Variants in CPE observed in about 807,000 individuals in gnomAD.
CPE encodes the protein carbocypeptidase E.
Under a neutral mutation model 53.5 loss-of-function variants are expected in CPE, and 17 were observed. That is an observed-to-expected ratio of 0.32 (90% CI 0.22 to 0.48). The LOEUF is 0.48. Ranked by LOEUF, CPE falls within the 20% of genes least tolerant of loss-of-function variation. The probability of loss-of-function intolerance (pLI) is 0.99; values close to 1 mark genes in which losing one functional copy is unlikely to be tolerated. For missense variants in CPE, 524 were observed against 614.7 expected, an observed-to-expected ratio of 0.85 and a Z score of 1.56; for synonymous variants, 226 against 228.8, an observed-to-expected ratio of 0.99 and a Z score of 0.11.
At chr4:165,478,753 G>A (rs1481756232) in intron 3 of CPE, among the ~76,000 whole-genome samples, 1 of 152,164 alleles carries the variant, frequency 6.6e-6, no homozygotes, top group Non-Finnish European at 1.5e-5. Context: ...AACAAACACA[G>A]GAATACAGTC....
intron 1 of CPE, among the ~76,000 whole-genome samples, chr4:165,443,113 G>A (rs562304718): frequency 4.5e-4 from 69 of 152,286 alleles, no homozygotes; most frequent in African/African-American, 1.6e-3. Context: ...CATCTCTTGG[G>A]GTTTGGATCA....
chr4:165,492,382 T>G (rs1732622044), intron 6 of CPE, among the ~76,000 whole-genome samples: 1 of 152,190 alleles, frequency 6.6e-6, no homozygotes, highest in African/African-American at 2.4e-5. Context: ...AATACACAGG[T>G]GACCAAAATT....
intron 1 of CPE, among the ~76,000 whole-genome samples, chr4:165,458,895 G>C (rs1280970869): frequency 6.6e-6 from 1 of 152,174 alleles, no homozygotes; most frequent in Non-Finnish European, 1.5e-5. Context: ...CATAGGAGTG[G>C]AAGACAATAT....
Position 165,420,197 on chromosome 4 carries a change from A to G in CPE, c.307+40669A>G, listed in dbSNP as rs567006615. On this transcript the variant is annotated intron_variant, in intron 1 of 8. Coordinates refer to ENST00000402744, the MANE Select transcript of CPE (RefSeq NM_001873.4). The stretch of plus-strand genomic sequence containing the variant: ...TTGTCTTCTAGAAGGTCTTCATATC[A>G]TGTTATCACTTAATAAACATTCTCT... 3.3e-5 allele frequency among the ~76,000 whole-genome samples: 5 copies of G among 152,230 alleles called. No homozygotes were observed. The East Asian group carries it at 9.7e-4, about 29-fold the overall frequency.
intron 1 of CPE, among the ~76,000 whole-genome samples, chr4:165,425,349 C>T (rs997729977): frequency 6.6e-6 from 1 of 150,692 alleles, no homozygotes; most frequent in Non-Finnish European, 1.5e-5. Context: ...AAAAAAATTA[C>T]TATTTCTTCT....
intron 1 of CPE, among the ~76,000 whole-genome samples, chr4:165,444,229 A>G (rs1396270768): frequency 6.6e-6 from 1 of 152,176 alleles, no homozygotes; most frequent in Admixed American, 6.5e-5. Context: ...AACCTTGCCC[A>G]AAGTTTAACA....
At chr4:165,389,942 T>G (rs1730653890) in intron 1 of CPE, among the ~76,000 whole-genome samples, 1 of 152,310 alleles carries the variant, frequency 6.6e-6, no homozygotes, top group East Asian at 1.9e-4. Context: ...GAGTGAACCA[T>G]CTGGTGCAGG....
At chr4:165,393,270 C>A (rs1183609269) in intron 1 of CPE, among the ~76,000 whole-genome samples, 1 of 152,150 alleles carries the variant, frequency 6.6e-6, no homozygotes, top group Non-Finnish European at 1.5e-5. Flanking sequence ...AGCATTCATC[C>A]AGCTGCATTT....
intron 1 of CPE, among the ~76,000 whole-genome samples, chr4:165,459,959 G>T (rs1299174852): frequency 6.9e-6 from 1 of 145,120 alleles, no homozygotes; most frequent in East Asian, 2.0e-4. Context: ...AGTGAAGAAA[G>T]TAAGATGATG....
chr4:165,384,354 C>G (rs895826889), intron 1 of CPE, among the ~76,000 whole-genome samples: 2 of 152,138 alleles, frequency 1.3e-5, no homozygotes, highest in Non-Finnish European at 2.9e-5. Flanking sequence ...ATGGGATTTC[C>G]TCCTCTCCCG....
intron 1 of CPE, among the ~76,000 whole-genome samples, chr4:165,419,585 A>G (rs889120734): frequency 1.3e-5 from 2 of 152,200 alleles, no homozygotes; most frequent in Non-Finnish European, 2.9e-5. Context: ...ATCAAAACCA[A>G]GTTTCAGTTT....
At chr4:165,454,616 C>T (rs1731870685) in intron 1 of CPE, among the ~76,000 whole-genome samples, 1 of 152,172 alleles carries the variant, frequency 6.6e-6, no homozygotes, top group African/African-American at 2.4e-5. Context: ...GTTCTGATGA[C>T]ATTACTTTTA....
At position 165,464,383 on chromosome 4, in the gene CPE, CT is replaced by C; in HGVS notation, c.308-3del. The C allele has an allele frequency of 6.3e-7, 1 of 1,593,886 alleles. No homozygotes were observed. Among genetic ancestry groups the C allele is most frequent in the South Asian group, 1.1e-5 (1 of 87,264 alleles). On this transcript the variant is annotated splice_polypyrimidine_tract_variant and splice_region_variant and intron_variant, in intron 1 of 8. Coordinates refer to ENST00000402744, the MANE Select transcript of CPE (RefSeq NM_001873.4). ...AAACATCTCCATGCTATCTATTAAT[CT>C]TTTAGGTGAGCCTGAATTTAAATAC... is the stretch of plus-strand genomic sequence containing the variant.
At chr4:165,477,241 T>A (rs771059663) in intron 3 of CPE, among the ~76,000 whole-genome samples, 1 of 152,220 alleles carries the variant, frequency 6.6e-6, no homozygotes, top group African/African-American at 2.4e-5. Flanking sequence ...ATTTCTAGCT[T>A]AGGCAATACT....
intron 1 of CPE, among the ~76,000 whole-genome samples, chr4:165,392,211 A>G (rs13132263): frequency 6.8e-6 from 1 of 147,250 alleles, no homozygotes; most frequent in African/African-American, 2.5e-5. Flanking sequence ...TAGTATATGT[A>G]TACTAGTATA....
In CPE at chr4:165,475,960, A is replaced by C. The variant is rs188320795; in HGVS notation, c.673-6282A>C. 1.7e-4 allele frequency among the ~76,000 whole-genome samples: 26 copies of C among 152,336 alleles called. 1 individual carries two copies. The East Asian group carries it at 4.8e-3, about 28-fold the overall frequency. ...CTGCATACAGGGGTTGAGTACCTCC[A>C]GCCAAAGAAGGTGAGGCATAGAGGT... On this transcript the variant is annotated intron_variant, in intron 3 of 8. Coordinates refer to ENST00000402744, the MANE Select transcript of CPE (RefSeq NM_001873.4).
chr4:165,466,152 A>G (rs1732099850), intron 2 of CPE, among the ~76,000 whole-genome samples: 1 of 152,308 alleles, frequency 6.6e-6, no homozygotes, highest in Admixed American at 6.5e-5. Context: ...GGTGTAGCCT[A>G]CTACACACCT....
At chr4:165,413,288 C>T (rs1228918388) in intron 1 of CPE, among the ~76,000 whole-genome samples, 2 of 152,130 alleles carry the variant, frequency 1.3e-5, no homozygotes, top group Non-Finnish European at 2.9e-5. Flanking sequence ...AGTCCACGGG[C>T]CTGGAAACCA....
chr4:165,491,148 C>T (rs771518663), intron 6 of CPE, among the ~76,000 whole-genome samples: 2 of 152,170 alleles, frequency 1.3e-5, no homozygotes, highest in Non-Finnish European at 2.9e-5. Context: ...GCATATTGCA[C>T]ATATTGCAAT....
Sources: allele counts gnomAD v4.1 joint callset (sites outside exome capture counted in the v4.1 genomes callset), GRCh38; gene constraint gnomAD v4.1.1; transcripts MANE v1.5; gene names NCBI Gene and HGNC (gene_info 2026-07-23, HGNC 2026-07-21).